CES4A: variants seen among roughly 807,000 people sequenced by gnomAD.
CES4A encodes carboxylesterase 6.
CES4A carries 48 observed loss-of-function variants against 65.4 expected under a neutral mutation model. The ratio of observed to expected loss-of-function variants is 0.73; its 90% CI spans 0.58 to 0.93. CES4A has a LOEUF of 0.93. Ranked by LOEUF, CES4A falls within the 40% of genes least tolerant of loss-of-function variation. The probability of loss-of-function intolerance (pLI) is 0.00; values close to 1 mark genes in which losing one functional copy is unlikely to be tolerated. For missense variants in CES4A, 685 were observed against 728.5 expected (o/e 0.94, Z 0.69); for synonymous variants, 247 against 281.8 (o/e 0.88, Z 1.24).
chr16:67,005,506 T>A, intron 11 of CES4A, 113 bp downstream of exon 11: 1 of 1,034,240 alleles, frequency 9.7e-7, no homozygotes, highest in Non-Finnish European at 1.4e-6. Flanking sequence ...TCTGGGCTAG[T>A]ATAGGATTCT....
chr16:66,990,082 G>A (rs545910322), intron 1 of CES4A, among the ~76,000 whole-genome samples: 2 of 117,642 alleles, frequency 1.7e-5, no homozygotes, highest in South Asian at 2.6e-4. Context: ...ACGGAGTCTC[G>A]CCCTGTCACC....
At chr16:66,989,534 T>C (rs1964205906) in intron 1 of CES4A, among the ~76,000 whole-genome samples, 1 of 151,772 alleles carries the variant, frequency 6.6e-6, no homozygotes, top group Non-Finnish European at 1.5e-5. Context: ...CCTGGGTAAA[T>C]AGACTCTGTC....
In CES4A at chr16:67,000,624, CCTGGTGCCCG is replaced by C; in HGVS notation, c.261-12_261-3del. 1 of 1,534,676 alleles carries C rather than the reference CCTGGTGCCCG, an allele frequency of 6.5e-7. No individual in the cohort carries two copies. Among genetic ancestry groups the C allele is most frequent in the East Asian group, 2.5e-5 (1 of 40,518 alleles). On this transcript the variant is annotated splice_region_variant and splice_polypyrimidine_tract_variant and intron_variant, in intron 2 of 13. Coordinates refer to ENST00000648724, the Ensembl canonical transcript of CES4A. The surrounding 1 kb of genome is among the most constrained non-coding windows in gnomAD (Gnocchi z 4.2). ...GATCTCCCCGCGGCCGCCGCCGCTACCTGGTGCCCGCAGGTGCCTGCAGGAGTCCTGGGGC... is the reference window on the plus strand; with the variant it reads ...GATCTCCCCGCGGCCGCCGCCGCTACCAGGTGCCTGCAGGAGTCCTGGGGC...
chr16:66,993,970 G>A (rs1001019954), intron 1 of CES4A, among the ~76,000 whole-genome samples: 11 of 151,038 alleles, frequency 7.3e-5, no homozygotes, highest in South Asian at 2.1e-4. Flanking sequence ...GCATGGTGGC[G>A]GGTGCCTGTA....
chr16:66,992,223 A>G (rs947385460), intron 1 of CES4A, among the ~76,000 whole-genome samples: 19 of 152,226 alleles, frequency 1.2e-4, no homozygotes, highest in African/African-American at 4.3e-4. Flanking sequence ...AGAGCTTTGT[A>G]AACTGCAAAG....
In CES4A at chr16:67,006,522, G is replaced by A. The variant is rs1965772598; in HGVS notation, c.1444+3G>A. 4.6e-6 allele frequency: 7 copies of A among 1,538,308 alleles called. No homozygotes were observed. The highest frequency in any genetic ancestry group is 2.4e-5 in the South Asian group (2 of 84,444). On this transcript the variant is annotated splice_donor_region_variant and intron_variant, in intron 12 of 13. Transcript: ENST00000648724. ...CTTTGGGGGCCCCTTCGCCACAGGTGCAAAGGTCCCACCTGATACCCCAAC... is the reference window on the plus strand; with the variant it reads ...CTTTGGGGGCCCCTTCGCCACAGGTACAAAGGTCCCACCTGATACCCCAAC...
At position 67,001,386 on chromosome 16, in the gene CES4A, C is replaced by T. The variant is rs1302025787; in HGVS notation, c.615C>T (p.Ile205=). ...CTCTGCGCTGGGTGCAGGAGAACAT[C>T]GCAGCCTTCGGGGGAGACCCAGGAA... is the stretch of plus-strand genomic sequence containing the variant. The change falls in exon 5 of 14, where the codon ATC becomes ATT. Residue 205 remains isoleucine, a synonymous_variant. Transcript: ENST00000648724. The surrounding 1 kb of genome is among the most constrained non-coding windows in gnomAD (Gnocchi z 4.1). 9.3e-6 allele frequency: 15 copies of T among 1,613,568 alleles called. No individual in the cohort carries two copies. Among genetic ancestry groups the T allele is most frequent in the African/African-American group, 1.3e-5 (1 of 74,876 alleles).
intron 1 of CES4A, among the ~76,000 whole-genome samples, chr16:66,992,546 C>G (rs951226495): frequency 6.6e-6 from 1 of 152,164 alleles, no homozygotes; most frequent in African/African-American, 2.4e-5. Context: ...CAATGATCCT[C>G]CAGGTGATTC....
At chr16:66,996,473 A>G (rs954178297) in intron 2 of CES4A, among the ~76,000 whole-genome samples, 6 of 152,188 alleles carry the variant, frequency 3.9e-5, no homozygotes, top group African/African-American at 1.4e-4. Context: ...CCCCTGACCC[A>G]GTCCGGAGCT....
chr16:67,006,264 C>A, intron 11 of CES4A, 127 bp from the exon 12 acceptor site: 1 of 973,674 alleles, frequency 1.0e-6, no homozygotes, highest in Non-Finnish European at 1.5e-6. Context: ...GGATTCAAGT[C>A]TGCCCCCTTG....
In CES4A at chr16:67,003,492, T is replaced by C. The variant is rs779787553; in HGVS notation, c.901-23T>C. ...ACACGAGGGAGACTTCCTTTAACTCTGATCCCTTCCTCTCCCCCATAGAGA... is the reference window on the plus strand; with the variant it reads ...ACACGAGGGAGACTTCCTTTAACTCCGATCCCTTCCTCTCCCCCATAGAGA... On this transcript the variant is annotated intron_variant, in intron 7 of 13. Coordinates refer to ENST00000648724, the Ensembl canonical transcript of CES4A. The surrounding 1 kb of genome is among the most constrained non-coding windows in gnomAD (Gnocchi z 4.2). 1 of 1,612,204 alleles carries C rather than the reference T, an allele frequency of 6.2e-7. No homozygotes were observed. The highest frequency in any genetic ancestry group is 1.3e-5 in the African/African-American group (1 of 74,898).
In CES4A at chr16:67,003,075, G is replaced by A. The variant is rs1294841539; in HGVS notation, c.696G>A (p.Met232Ile). ...ATTCCTCCCTGTTCTTGCAGATGAT[G>A]TCACCCCTAGCCTCGGGTCTCTTCC... is the stretch of plus-strand genomic sequence containing the variant. The change falls in exon 6 of 14, where the codon ATG (methionine) becomes ATA (isoleucine). Residue 232 changes from methionine (M) to isoleucine (I), a missense_variant. Coordinates refer to ENST00000648724, the Ensembl canonical transcript of CES4A. The surrounding 1 kb of genome is among the most constrained non-coding windows in gnomAD (Gnocchi z 4.2). 6 of 1,613,774 alleles carry A rather than the reference G, an allele frequency of 3.7e-6. 1 individual carries two copies. In the Admixed American group the frequency reaches 5.0e-5, roughly 13 times the overall value.
intron 2 of CES4A, among the ~76,000 whole-genome samples, chr16:66,997,700 G>A (rs1180662609): frequency 6.6e-6 from 1 of 152,186 alleles, no homozygotes; most frequent in African/African-American, 2.4e-5. Flanking sequence ...GCCAGGAGCA[G>A]TGGCTCATGC....
chr16:67,000,497 A>G lies in CES4A; in HGVS notation c.261-141A>G. 2 of 1,438,608 alleles carry G rather than the reference A, an allele frequency of 1.4e-6. No homozygotes were observed. Among genetic ancestry groups the G allele is most frequent in the South Asian group, 1.5e-5 (1 of 68,282 alleles). The allele number at this position is 1,438,608 out of a possible 1,614,324, so 89.1% of individuals were successfully genotyped here. ...CCCGGGGCTGGCGGAGGCCTCCTGTACACGCACACGCACGCACATGCGCAC... is the reference window on the plus strand; with the variant it reads ...CCCGGGGCTGGCGGAGGCCTCCTGTGCACGCACACGCACGCACATGCGCAC... On this transcript the variant is annotated intron_variant, in intron 2 of 13. Coordinates refer to ENST00000648724, the Ensembl canonical transcript of CES4A. This position sits in a 1 kb window ranked among gnomAD's most constrained non-coding sequence, Gnocchi z 4.2.
At position 67,001,018 on chromosome 16, in the gene CES4A, G is replaced by A; in HGVS notation, c.536+28G>A. On this transcript the variant is annotated intron_variant, in intron 4 of 13. Coordinates refer to ENST00000648724, the Ensembl canonical transcript of CES4A. This position sits in a 1 kb window ranked among gnomAD's most constrained non-coding sequence, Gnocchi z 4.1. Reference sequence around the variant, plus strand: ...GGCGGGGCCGGTACCCTTTGGGACCGCAGCTGTGGCCAGAGCGGCGGGGAC... The same window carrying A: ...GGCGGGGCCGGTACCCTTTGGGACCACAGCTGTGGCCAGAGCGGCGGGGAC... The A allele has an allele frequency of 1.2e-6, 2 of 1,607,980 alleles. No homozygotes were observed. Among genetic ancestry groups the A allele is most frequent in the Non-Finnish European group, 1.7e-6 (2 of 1,177,548 alleles).
rs752011956 is a variant in CES4A, at chr16:67,000,874, G to A, written c.420G>A (p.Pro140=). Reference sequence around the variant, plus strand: ...TCGTCCAGGTGATGGTCTGGTTCCCGGGAGGCGCCTTCATCGTGGGCGCTG... The same window carrying A: ...TCGTCCAGGTGATGGTCTGGTTCCCAGGAGGCGCCTTCATCGTGGGCGCTG... Residue 140 remains proline, a synonymous_variant, in exon 4 of 14, where the codon CCG becomes CCA. Transcript: ENST00000648724. The surrounding 1 kb of genome is among the most constrained non-coding windows in gnomAD (Gnocchi z 4.2). 6.9e-6 allele frequency: 11 copies of A among 1,603,260 alleles called. No individual in the cohort carries two copies. Among genetic ancestry groups the A allele is most frequent in the Non-Finnish European group, 1.7e-6 (2 of 1,175,112 alleles).
rs961955467 is a variant in CES4A, at chr16:67,000,641, C to T, written c.264C>T (p.Cys88=). Residue 88 remains cysteine (C), a synonymous_variant, in exon 3 of 14, where the codon TGC becomes TGT. Transcript: ENST00000648724. This position sits in a 1 kb window ranked among gnomAD's most constrained non-coding sequence, Gnocchi z 4.2. ...CGCCGCTACCTGGTGCCCGCAGGTG[C>T]CTGCAGGAGTCCTGGGGCCAGCTGG... 27 of 1,545,112 alleles carry T rather than the reference C, an allele frequency of 1.7e-5. No homozygotes were observed. The highest frequency in any genetic ancestry group is 6.0e-5 in the Admixed American group (3 of 50,292).
rs117419376 is a variant in CES4A at position 66,993,357 on chromosome 16, T to C, written c.59-2271T>C. Among the ~76,000 whole-genome samples, 1,512 of 152,268 alleles carry C rather than the reference T, an allele frequency of 9.9e-3. 15 individuals carry two copies. Among genetic ancestry groups the C allele is most frequent in the Non-Finnish European group, 0.018 (1,195 of 68,026 alleles). On this transcript the variant is annotated intron_variant, in intron 1 of 13. Transcript: ENST00000648724. Reference sequence around the variant, plus strand: ...GTTTCTTGGAGTGTTTGTTTGTCTGTTTTGAGACGGAGTCTCACTTTGTCA... The same window carrying C: ...GTTTCTTGGAGTGTTTGTTTGTCTGCTTTGAGACGGAGTCTCACTTTGTCA...
exon 12 of CES4A, chr16:67,006,406 T>A (rs930788699): frequency 6.5e-7 from 1 of 1,536,602 alleles, no homozygotes. Flanking sequence ...GGCCTCCCTG[T>A]CTACCTGTAT....
Sources: gnomAD v4.1 joint callset for allele counts (sites outside exome capture counted in the v4.1 genomes callset) on GRCh38, gnomAD v4.1.1 for gene constraint, Gnocchi (gnomAD v3.1) non-coding constraint, MANE v1.5 for transcripts, NCBI Gene and HGNC (gene_info 2026-07-23, HGNC 2026-07-21) for gene names.